The following NAA60 variants were observed in gnomAD, a reference collection of about 807,000 sequenced individuals.
NAA60 encodes N-alpha-acetyltransferase 60, NatF catalytic subunit.
NAA60 carries 8 observed loss-of-function variants against 26.1 expected under a neutral mutation model. The ratio of observed to expected loss-of-function variants is 0.31; its 90% CI spans 0.18 to 0.55. The LOEUF (loss-of-function observed/expected upper bound fraction) is 0.55, where lower values mean the gene tolerates loss of function less well. NAA60 is among the 20% of genes least tolerant of loss of function. NAA60 has a pLI of 0.93. For missense variants in NAA60, 290 were observed against 311.3 expected (o/e 0.93, Z 0.51); for synonymous variants, 131 against 122.5 (o/e 1.07, Z -0.46).
intron 2 of NAA60, chr16:3,468,339 G>A (rs1487605554): frequency 6.6e-6 from 1 of 152,170 alleles, no homozygotes; most frequent in Admixed American, 6.6e-5. Context: ...GGAAAGTTGG[G>A]GTTTTCCTTT....
intron 4 of NAA60, among the ~76,000 whole-genome samples, chr16:3,481,779 A>C (rs933764655): frequency 6.6e-6 from 1 of 152,180 alleles, no homozygotes. Flanking sequence ...CTGGACTGAC[A>C]TATCTGGGTG....
chr16:3,463,317 G>GT (rs558504021), intron 2 of NAA60, among the ~76,000 whole-genome samples: 325 of 151,980 alleles, frequency 2.1e-3, no homozygotes, highest in Middle Eastern at 0.01. Flanking sequence ...GGAGGCCGAG[G>GT]TAGGTGGATC....
At chr16:3,474,783 T>C (rs1286041441) in intron 2 of NAA60, among the ~76,000 whole-genome samples, 1 of 152,246 alleles carries the variant, frequency 6.6e-6, no homozygotes, top group Non-Finnish European at 1.5e-5. Flanking sequence ...GTCATTTCTG[T>C]TGGTGATTCC....
intron 1 of NAA60, among the ~76,000 whole-genome samples, chr16:3,446,562 A>G (rs1478534476): frequency 1.3e-5 from 2 of 150,822 alleles, no homozygotes; most frequent in African/African-American, 4.9e-5. Context: ...TACAGGGGAA[A>G]AAATGGCAAC....
At chr16:3,482,142 T>C (rs1355333050) in intron 4 of NAA60, among the ~76,000 whole-genome samples, 1 of 152,224 alleles carries the variant, frequency 6.6e-6, no homozygotes, top group Non-Finnish European at 1.5e-5. Context: ...CCAGGTGACA[T>C]GCGTGCATTC....
intron 3 of NAA60, among the ~76,000 whole-genome samples, chr16:3,477,965 T>C (rs2036586772): frequency 6.6e-6 from 1 of 152,010 alleles, no homozygotes; most frequent in Non-Finnish European, 1.5e-5. Context: ...CTCGGGAGGC[T>C]GAGGCAGGAG....
intron 2 of NAA60, among the ~76,000 whole-genome samples, chr16:3,473,290 A>G (rs928495140): frequency 6.6e-6 from 1 of 152,154 alleles, no homozygotes; most frequent in African/African-American, 2.4e-5. Context: ...TTATAAAGGA[A>G]CCAGGTTTAA....
chr16:3,454,363 G>C (rs1301488234), intron 2 of NAA60, among the ~76,000 whole-genome samples: 1 of 152,176 alleles, frequency 6.6e-6, no homozygotes, highest in East Asian at 1.9e-4. Flanking sequence ...GAGGGTGAAA[G>C]GAGGCATGAG....
At chr16:3,467,443 G>A (rs762114796) in intron 2 of NAA60, among the ~76,000 whole-genome samples, 3 of 152,276 alleles carry the variant, frequency 2.0e-5, no homozygotes, top group Non-Finnish European at 4.4e-5. Flanking sequence ...TAAGAGGGTG[G>A]CCTTTCCAAG....
chr16:3,480,811 C>T (rs2036783789), intron 4 of NAA60, among the ~76,000 whole-genome samples: 1 of 152,148 alleles, frequency 6.6e-6, no homozygotes. Context: ...GAGGCTGAGG[C>T]ACAAGAATCA....
chr16:3,481,841 C>T (rs1315107597), intron 4 of NAA60, among the ~76,000 whole-genome samples: 1 of 152,184 alleles, frequency 6.6e-6, no homozygotes, highest in Non-Finnish European at 1.5e-5. Flanking sequence ...CAGGCTGACC[C>T]CAGCCCAGCA....
chr16:3,463,551 TAAAA>T (rs71133639), intron 2 of NAA60, among the ~76,000 whole-genome samples: 17 of 113,882 alleles, frequency 1.5e-4, no homozygotes, highest in East Asian at 1.0e-3. Context: ...GACCCTGTGT[TAAAA>T]AAAAAAAAAA....
intron 3 of NAA60, among the ~76,000 whole-genome samples, chr16:3,477,245 G>T (rs115353085): frequency 2.4e-3 from 358 of 152,212 alleles, no homozygotes; most frequent in African/African-American, 8.3e-3. Flanking sequence ...TTAATATTAG[G>T]CCCTATGATT....
chr16:3,470,546 C>G (rs75925106), intron 2 of NAA60, among the ~76,000 whole-genome samples: 5 of 152,192 alleles, frequency 3.3e-5, no homozygotes, highest in African/African-American at 1.2e-4. Context: ...CAGCGTGGCC[C>G]TCATAGCCAG....
chr16:3,449,435 G>A (rs1265826658), intron 2 of NAA60, among the ~76,000 whole-genome samples: 5 of 152,068 alleles, frequency 3.3e-5, no homozygotes, highest in Non-Finnish European at 7.4e-5. Flanking sequence ...GGAGAATGGT[G>A]TGAACCTGGG....
At chr16:3,449,199 C>T (rs754224351) in intron 2 of NAA60, among the ~76,000 whole-genome samples, 1 of 152,016 alleles carries the variant, frequency 6.6e-6, no homozygotes, top group African/African-American at 2.4e-5. Flanking sequence ...ATGTTGAAAC[C>T]CCATCTCTAC....
intron 2 of NAA60, among the ~76,000 whole-genome samples, chr16:3,462,091 A>AAAAAAAAAAC (rs2035441953): frequency 1.3e-5 from 2 of 151,692 alleles, no homozygotes; most frequent in South Asian, 4.2e-4. Context: ...TATATCAAAA[A>AAAAAAAAAAC]AAAAAAAAAA....
At chr16:3,451,802 C>T (rs2034796647) in intron 2 of NAA60, among the ~76,000 whole-genome samples, 1 of 151,776 alleles carries the variant, frequency 6.6e-6, no homozygotes, top group African/African-American at 2.4e-5. Flanking sequence ...CCTGTACTCC[C>T]AGCTACTCGG....
Position 3,484,902 on chromosome 16 carries a change from A to T in NAA60, c.*47A>T. The T allele has an allele frequency of 2.6e-6, 4 of 1,548,722 alleles. No homozygotes were observed. The highest frequency in any genetic ancestry group is 3.5e-6 in the Non-Finnish European group (4 of 1,147,004). ...CAGGCCCCACCCTTCGGCCGCCCGC[A>T]GAGCCCGCCTTCCTGTCCATCTGAC... On this transcript the variant is annotated 3_prime_UTR_variant, in exon 7 of 8. Coordinates refer to ENST00000407558, the MANE Select transcript of NAA60 (RefSeq NM_001083601.3).
Sources: gnomAD v4.1 joint callset for allele counts (sites outside exome capture counted in the v4.1 genomes callset) on GRCh38, gnomAD v4.1.1 for gene constraint, MANE v1.5 for transcripts, NCBI Gene and HGNC (gene_info 2026-07-23, HGNC 2026-07-21) for gene names.